The following ANKRD36C variants were observed in gnomAD, a reference collection of about 807,000 sequenced individuals.
ANKRD36C encodes ankyrin repeat domain-containing protein 36C.
A neutral mutation model predicts 276.4 loss-of-function variants in ANKRD36C; 61 were observed. The observed-to-expected ratio is 0.22, with a 90% confidence interval of 0.18 to 0.27. The LOEUF (loss-of-function observed/expected upper bound fraction) is 0.27. Among genes scored for constraint, ANKRD36C ranks in the 10% least tolerant of loss-of-function variants. The pLI is 1.00. For missense variants in ANKRD36C, 1,447 were observed against 2,032.3 expected, an observed-to-expected ratio of 0.71 and a Z score of 5.54; for synonymous variants, 483 against 680.1, an observed-to-expected ratio of 0.71 and a Z score of 4.51.
intron 42 of ANKRD36C, among the ~76,000 whole-genome samples, chr2:95,903,446 C>G (rs1676716354): frequency 6.6e-6 from 1 of 150,918 alleles, no homozygotes; most frequent in African/African-American, 2.4e-5. Context: ...CATGATCCCA[C>G]TTACCTTTCA....
intron 3 of ANKRD36C, among the ~76,000 whole-genome samples, chr2:95,985,415 C>T (rs13390615): frequency 0.043 from 6,499 of 152,150 alleles, 465 homozygotes; most frequent in African/African-American, 0.15. Context: ...TAACCAGCAG[C>T]GTATCAGTGT....
chr2:95,975,503 C>T (rs1239622060), intron 6 of ANKRD36C, among the ~76,000 whole-genome samples: 2 of 152,080 alleles, frequency 1.3e-5, no homozygotes, highest in Non-Finnish European at 2.9e-5. Context: ...CTTTGACAAA[C>T]CTGAGAAAAA....
exon 3 of ANKRD36C, chr2:95,986,790 T>C: frequency 6.2e-7 from 1 of 1,611,848 alleles, no homozygotes; most frequent in Non-Finnish European, 8.5e-7. Context: ...ATGAAAGAAG[T>C]TTTTCTATCA....
chr2:95,858,201 G>A (rs1675469660), intron 61 of ANKRD36C, among the ~76,000 whole-genome samples: 1 of 151,952 alleles, frequency 6.6e-6, no homozygotes, highest in Admixed American at 6.6e-5. Context: ...TGAGGGCTGT[G>A]TCGGGGGCCA....
intron 36 of ANKRD36C, among the ~76,000 whole-genome samples, chr2:95,916,767 AT>A (rs1677109624): frequency 6.6e-6 from 1 of 151,604 alleles, no homozygotes; most frequent in Admixed American, 6.6e-5. Flanking sequence ...TGGTGTAATA[AT>A]TTGCCTAAGT....
At chr2:95,859,073 C>G (rs1201471472) in intron 61 of ANKRD36C, among the ~76,000 whole-genome samples, 1 of 151,128 alleles carries the variant, frequency 6.6e-6, no homozygotes, top group Non-Finnish European at 1.5e-5. Flanking sequence ...CTCCTACTAT[C>G]ACTGGGCTGG....
At chr2:95,940,318 G>A (rs554218596) in intron 20 of ANKRD36C, among the ~76,000 whole-genome samples, 85 of 150,022 alleles carry the variant, frequency 5.7e-4, no homozygotes, top group African/African-American at 2.0e-3. Context: ...CACCGCGCCC[G>A]GCTTAATCAA....
At chr2:95,875,770 A>G (rs1331555005) in intron 59 of ANKRD36C, among the ~76,000 whole-genome samples, 1 of 152,172 alleles carries the variant, frequency 6.6e-6, no homozygotes, top group African/African-American at 2.4e-5. Flanking sequence ...ATATTTATAT[A>G]GATTATAGGC....
intron 60 of ANKRD36C, among the ~76,000 whole-genome samples, chr2:95,862,741 G>A (rs1011224765): frequency 3.9e-4 from 60 of 151,932 alleles, no homozygotes; most frequent in Admixed American, 5.9e-4. Flanking sequence ...CAGATGTGAC[G>A]GTATTAGGAG....
chr2:95,943,360 C>T, intron 19 of ANKRD36C, among the ~76,000 whole-genome samples: 1 of 151,442 alleles, frequency 6.6e-6, no homozygotes, highest in Non-Finnish European at 1.5e-5. Context: ...TGGCGGGCGC[C>T]TATAGTCCCA....
rs56964568 is a variant in ANKRD36C at position 95,946,156 on chromosome 2, G to GAAAAAAAAAAAAAAA, written c.1363-997_1363-983dup. ...AACAGAGAGAGAGAGACAGAGAGAG[G>GAAAAAAAAAAAAAAA]AAAAAAAAAAAAAAAAAAAAAACAA... On this transcript the variant is annotated intron_variant, in intron 17 of 66. Transcript: ENST00000456556. 4.1e-4 allele frequency among the ~76,000 whole-genome samples: 30 copies of GAAAAAAAAAAAAAAA among 73,296 alleles called. 1 individual carries two copies. Among genetic ancestry groups the GAAAAAAAAAAAAAAA allele is most frequent in the Admixed American group, 5.2e-4 (3 of 5,720 alleles). The allele number at this position is 73,296 out of a possible 152,430, so 48.1% of individuals were successfully genotyped here. A position where few individuals can be genotyped will look rare whatever the true frequency, so the allele number is the denominator to read the frequency against.
Position 95,890,009 on chromosome 2 carries a change from G to C in ANKRD36C, c.2858-15C>G. 6.2e-7 allele frequency: 1 copy of C among 1,607,736 alleles called. No individual in the cohort carries two copies. The highest frequency in any genetic ancestry group is 1.1e-5 in the South Asian group (1 of 90,886). On this transcript the variant is annotated splice_polypyrimidine_tract_variant and intron_variant, in intron 46 of 66. Coordinates refer to ENST00000456556, the Ensembl canonical transcript of ANKRD36C. ...ATGAGAAGACACTGAAAAGCAAAAA[G>C]GATACATAATCACTCATACGTAAAT...
chr2:95,964,640 C>T (rs1436782389), intron 6 of ANKRD36C, among the ~76,000 whole-genome samples: 2 of 152,052 alleles, frequency 1.3e-5, no homozygotes, highest in South Asian at 2.1e-4. Context: ...ATGGCTTCCT[C>T]TCTCCCATAG....
intron 6 of ANKRD36C, 139 bp downstream of exon 6, chr2:95,977,983 T>C (rs2104531466): frequency 3.2e-6 from 1 of 315,714 alleles, no homozygotes; most frequent in African/African-American, 2.2e-5. Flanking sequence ...AATTATAAAA[T>C]CTAGACTACT....
At chr2:95,943,211 T>C (rs1445614321) in intron 19 of ANKRD36C, among the ~76,000 whole-genome samples, 1 of 152,302 alleles carries the variant, frequency 6.6e-6, no homozygotes, top group Non-Finnish European at 1.5e-5. Flanking sequence ...TGGCTAGGCG[T>C]GGTGGCTCAC....
intron 57 of ANKRD36C, 43 bp downstream of exon 77, chr2:95,880,551 GT>G (rs1558625110): frequency 6.5e-7 from 1 of 1,531,544 alleles, no homozygotes; most frequent in Non-Finnish European, 8.8e-7. Context: ...ATTGGTATAG[GT>G]TATGCAGTTA....
intron 64 of ANKRD36C, chr2:95,852,824 C>A (rs1246930100): frequency 6.6e-6 from 1 of 152,242 alleles, no homozygotes; most frequent in African/African-American, 2.4e-5. Context: ...AAATTAAAAT[C>A]GACAAAGTCA....
intron 44 of ANKRD36C, 36 bp from the exon 65 acceptor site, chr2:95,891,896 TAA>T (rs1271060968): frequency 6.4e-7 from 1 of 1,553,566 alleles, no homozygotes; most frequent in African/African-American, 1.4e-5. Context: ...CACTCATATG[TAA>T]AAATGACAAA....
chr2:95,874,952 G>A (rs574467546), intron 59 of ANKRD36C, among the ~76,000 whole-genome samples: 1 of 152,354 alleles, frequency 6.6e-6, no homozygotes, highest in African/African-American at 2.4e-5. Flanking sequence ...CTAGCCATCA[G>A]AGAAATGCAA....
Sources: gnomAD v4.1 joint callset for allele counts (sites outside exome capture counted in the v4.1 genomes callset) on GRCh38, gnomAD v4.1.1 for gene constraint, MANE v1.5 for transcripts, NCBI Gene and HGNC (gene_info 2026-07-23, HGNC 2026-07-21) for gene names.